C3: variants seen among roughly 807,000 people sequenced by gnomAD.
C3 encodes C3 and PZP-like alpha-2-macroglobulin domain-containing protein 1.
In C3, 97 loss-of-function variants were observed where a neutral mutation model predicts 207.9. The ratio of observed to expected loss-of-function variants is 0.47; its 90% CI spans 0.40 to 0.55. The LOEUF (loss-of-function observed/expected upper bound fraction) is 0.55, where lower values mean the gene tolerates loss of function less well. Among genes scored for constraint, C3 ranks in the 20% least tolerant of loss-of-function variants. The pLI is 0.00. For missense variants in C3, 1,684 were observed against 2,171.7 expected (o/e 0.78, Z 4.46); for synonymous variants, 848 against 857.6 (o/e 0.99, Z 0.20).
rs1290774907 is a variant in C3 at position 6,709,725 on chromosome 19, C to T, written c.1804G>A (p.Val602Met). 5 of 1,613,834 alleles carry T rather than the reference C, an allele frequency of 3.1e-6. No homozygotes were observed. The highest frequency in any genetic ancestry group is 4.2e-6 in the Non-Finnish European group (5 of 1,179,984). The change falls in exon 14 of 41, where the codon GTG (valine) becomes ATG (methionine). Residue 602 changes from valine to methionine, a missense_variant. Coordinates refer to ENST00000245907, the MANE Select transcript of C3 (RefSeq NM_000064.4). ...RVVLVAVDKGVFVLNKKNKLT... is the reference protein window; with the variant it reads ...RVVLVAVDKGMFVLNKKNKLT... ...TTGTTCTTCTTATTCAGCACGAACA[C>T]GCCCTTGTCCACGGCCACCAGTACC...
chr19:6,693,170 A>G lies in C3; in HGVS notation c.3231-87T>C. The G allele has an allele frequency of 2.0e-6, 3 of 1,503,148 alleles. No homozygotes were observed. In the South Asian group the frequency reaches 3.4e-5, roughly 17 times the overall value. The allele number at this position is 1,503,148 out of a possible 1,614,324, so 93.1% of individuals were successfully genotyped here. On this transcript the variant is annotated intron_variant, in intron 25 of 40. Transcript: ENST00000245907. ...AGCCAATGAGCGTGGGGGAGGGACC[A>G]GGGCCTGGCCCAGTTTGCCTGGTTT...
At chr19:6,717,825 GTGTT>G (rs1418055201) in intron 4 of C3, 15 of 585,110 alleles carry the variant, frequency 2.6e-5, no homozygotes, top group East Asian at 2.3e-4. Flanking sequence ...TGTATGTTGT[GTGTT>G]TGTGTGTGTT....
intron 16 of C3, 53 bp from the exon 17 acceptor site, chr19:6,707,326 A>T: frequency 6.2e-7 from 1 of 1,602,352 alleles, no homozygotes. Context: ...GGCCGGCAGC[A>T]GGAGGGACGC....
In C3 at chr19:6,719,191, C is replaced by T. The variant is rs372400337; in HGVS notation, c.267+20G>A. 2 of 1,612,246 alleles carry T rather than the reference C, an allele frequency of 1.2e-6. No individual in the cohort carries two copies. The highest frequency in any genetic ancestry group is 1.7e-6 in the Non-Finnish European group (2 of 1,178,426). On this transcript the variant is annotated intron_variant, in intron 2 of 40. Transcript: ENST00000245907. The surrounding 1 kb of genome is among the most constrained non-coding windows in gnomAD (Gnocchi z 5.4). ...CGTGGCTGTGGGTGTCAGCCGGGTC[C>T]TGCGCCAGTCTGCACTCACCGTGAA...
At position 6,693,504 on chromosome 19, in the gene C3, G is replaced by A. The variant is rs947322369; in HGVS notation, c.3155-17C>T. The A allele has an allele frequency of 3.7e-6, 6 of 1,608,466 alleles. No individual in the cohort carries two copies. The highest frequency in any genetic ancestry group is 2.7e-5 in the African/African-American group (2 of 74,834). ...GGGTGTACCCTGCAGAGAAGAGAGA[G>A]GAACCCCCAAAAGAGCCGGGGCTGA... On this transcript the variant is annotated splice_polypyrimidine_tract_variant and intron_variant, in intron 24 of 40. Coordinates refer to ENST00000245907, the MANE Select transcript of C3 (RefSeq NM_000064.4).
At position 6,684,351 on chromosome 19, in the gene C3, G is replaced by A. The variant is rs191910226; in HGVS notation, c.4172+37C>T. On this transcript the variant is annotated intron_variant, in intron 33 of 40. Transcript: ENST00000245907. ...CAAGAATTCTTGCTAGAGATAGAGG[G>A]ATGGCCAAGATGAACCCCGGTGACC... 1.0e-5 allele frequency: 16 copies of A among 1,535,720 alleles called. No homozygotes were observed. The Admixed American group carries it at 2.7e-4, about 26-fold the overall frequency.
At position 6,686,821 on chromosome 19, in the gene C3, T is replaced by C. The variant is rs1918020357; in HGVS notation, c.3571A>G (p.Ile1191Val). Residue 1191 changes from isoleucine to valine, a missense_variant, in exon 28 of 41, where the codon ATT becomes GTT. Physicochemically the swap from Ile to Val is conservative, Grantham distance 29. Coordinates refer to ENST00000245907, the MANE Select transcript of C3 (RefSeq NM_000064.4). ...MNLQRSYTVA[I>V]AGYALAQMGR... Reference sequence around the variant, plus strand: ...ATCTGGGCCAGAGCATAGCCAGCAATGGCCACAGTGTAGGATCTCTGTAGG... The same window carrying C: ...ATCTGGGCCAGAGCATAGCCAGCAACGGCCACAGTGTAGGATCTCTGTAGG... 1.2e-6 allele frequency: 2 copies of C among 1,614,176 alleles called. No homozygotes were observed. Among genetic ancestry groups the C allele is most frequent in the South Asian group, 2.2e-5 (2 of 91,088 alleles).
At position 6,680,194 on chromosome 19, in the gene C3, G is replaced by T; in HGVS notation, c.4420C>A (p.Pro1474Thr). Reference protein sequence around the residue: ...HQYFNVELIQPGAVKVYAYYN... With the variant: ...HQYFNVELIQTGAVKVYAYYN... ...TAGGCGTAGACCTTGACTGCTCCAG[G>T]CTGGATAAGCTCTACATTAAAGTAT... Residue 1474 changes from proline (P) to threonine (T), a missense_variant, in exon 36 of 41, where the codon CCT (proline) becomes ACT (threonine). Physicochemically the swap from Pro to Thr is conservative, Grantham distance 38. Coordinates refer to ENST00000245907, the MANE Select transcript of C3 (RefSeq NM_000064.4). The T allele has an allele frequency of 6.2e-7, 1 of 1,613,218 alleles. No individual in the cohort carries two copies. Among genetic ancestry groups the T allele is most frequent in the Non-Finnish European group, 8.5e-7 (1 of 1,179,234 alleles).
At chr19:6,705,061 A>G (rs1165962925) in intron 17 of C3, among the ~76,000 whole-genome samples, 1 of 152,094 alleles carries the variant, frequency 6.6e-6, no homozygotes, top group Non-Finnish European at 1.5e-5. Flanking sequence ...AATTCCTAAA[A>G]GAGATACCTG....
Position 6,682,167 on chromosome 19 carries a change from G to C in C3, c.4235C>G (p.Ala1412Gly). ...ILDISMMTGF[A>G]PDTDDLKQLA... is the part of the protein sequence containing the mutation. ...CTGCTTCAGGTCATCTGTGTCTGGAGCAAAGCCAGTCATCATGGATATGTC... is the reference window on the plus strand; with the variant it reads ...CTGCTTCAGGTCATCTGTGTCTGGACCAAAGCCAGTCATCATGGATATGTC... The change falls in exon 34 of 41, where the codon GCT (alanine) becomes GGT (glycine). Residue 1412 changes from alanine (A) to glycine (G), a missense_variant. Ala to Gly is a moderately conservative substitution (Grantham distance 60). Coordinates refer to ENST00000245907, the MANE Select transcript of C3 (RefSeq NM_000064.4). 1.2e-6 allele frequency: 2 copies of C among 1,614,036 alleles called. No homozygotes were observed. Among genetic ancestry groups the C allele is most frequent in the Non-Finnish European group, 1.7e-6 (2 of 1,179,892 alleles).
intron 33 of C3, among the ~76,000 whole-genome samples, chr19:6,684,028 G>A (rs943767003): frequency 6.6e-6 from 1 of 152,238 alleles, no homozygotes; most frequent in African/African-American, 2.4e-5. Context: ...GAGCCAGGGA[G>A]TTTGAGGTTA....
intron 26 of C3, among the ~76,000 whole-genome samples, chr19:6,691,674 GCGGGCACTTT>G (rs1918170775): frequency 6.6e-6 from 1 of 152,118 alleles, no homozygotes; most frequent in African/African-American, 2.4e-5. Context: ...CTGGAGGAAT[GCGGGCACTTT>G]TAAAAACTCA....
chr19:6,718,202 C>G (rs746863266), intron 3 of C3, 38 bp from the exon 4 acceptor site: 2 of 1,614,028 alleles, frequency 1.2e-6, no homozygotes, highest in Non-Finnish European at 1.7e-6. Flanking sequence ...GACCCTAGCC[C>G]GCCCACGCCG....
intron 26 of C3, among the ~76,000 whole-genome samples, chr19:6,691,250 C>CA (rs1918160888): frequency 6.6e-6 from 1 of 152,032 alleles, no homozygotes; most frequent in African/African-American, 2.4e-5. Flanking sequence ...GATGGGGTTT[C>CA]CCCTGTTGGT....
chr19:6,698,664 G>T (rs147579022), intron 19 of C3, among the ~76,000 whole-genome samples: 1 of 151,952 alleles, frequency 6.6e-6, no homozygotes, highest in African/African-American at 2.4e-5. Context: ...AGCTATGATC[G>T]CACCACTGTG....
At chr19:6,679,545 A>C in intron 36 of C3, 49 bp from the exon 37 acceptor site, 1 of 1,328,566 alleles carries the variant, frequency 7.5e-7, no homozygotes, top group Non-Finnish European at 1.1e-6. Flanking sequence ...CCTCCCTCCA[A>C]AGACCATGCC....
chr19:6,681,882 G>C, intron 35 of C3, 59 bp downstream of exon 35: 1 of 1,238,156 alleles, frequency 8.1e-7, no homozygotes, highest in Non-Finnish European at 1.2e-6. Flanking sequence ...AGAAAGACCA[G>C]CCAGATAGAG....
intron 14 of C3, 117 bp downstream of exon 14, chr19:6,709,567 T>A: frequency 6.0e-6 from 7 of 1,159,976 alleles, no homozygotes; most frequent in Non-Finnish European, 9.0e-6. Flanking sequence ...TCTGCTCCGA[T>A]CTCTGCTTTC....
chr19:6,697,639 C>T lies in C3; in HGVS notation c.2583+13G>A, dbSNP rs774609150. ...GGCAGCCTCCAAGAAGCCTCTGCCA[C>T]CCCGGGACCCACCTTGAGCTCTTGG... On this transcript the variant is annotated intron_variant, in intron 20 of 40. Transcript: ENST00000245907. 6.2e-6 allele frequency: 10 copies of T among 1,614,002 alleles called. No homozygotes were observed. In the Admixed American group the frequency reaches 1.2e-4, roughly 19 times the overall value.
Sources: allele counts gnomAD v4.1 joint callset (sites outside exome capture counted in the v4.1 genomes callset), GRCh38; gene constraint gnomAD v4.1.1; non-coding constraint Gnocchi (gnomAD v3.1); transcripts MANE v1.5; gene names NCBI Gene and HGNC (gene_info 2026-07-23, HGNC 2026-07-21).